CSMD1: variants seen among roughly 807,000 people sequenced by gnomAD.
The protein encoded by CSMD1 is CUB and Sushi multiple domains 1, also known as CUB and sushi domain-containing protein 1.
A neutral mutation model predicts 417.5 loss-of-function variants in CSMD1; 213 were observed. The ratio of observed to expected loss-of-function variants is 0.51; its 90% CI spans 0.46 to 0.57. The LOEUF is 0.57. CSMD1 is among the 20% of genes least tolerant of loss of function. CSMD1 has a pLI of 0.00. For synonymous variants in CSMD1, 2,862 were observed against 1,736.8 expected, an observed-to-expected ratio of 1.65 and a Z score of -16.11; for missense variants, 6,923 against 4,529.7, an observed-to-expected ratio of 1.53 and a Z score of -15.17.
In CSMD1 at chr8:3,847,355, G is replaced by T. The variant is rs1803576991; in HGVS notation, c.819-93313C>A. Among the ~76,000 whole-genome samples the T allele has an allele frequency of 1.3e-5, 2 of 152,098 alleles. 1 individual carries two copies. Among genetic ancestry groups the T allele is most frequent in the Non-Finnish European group, 2.9e-5 (2 of 68,004 alleles). On this transcript the variant is annotated intron_variant, in intron 5 of 69. Coordinates refer to ENST00000635120, the MANE Select transcript of CSMD1 (RefSeq NM_033225.6). ...TTAAAAGTGTTCCAAGTCAGAGAAG[G>T]AAGCAGAAGTGGTCCCCTCCTGCTG...
chr8:3,640,169 G>C (rs1042561648), intron 7 of CSMD1, among the ~76,000 whole-genome samples: 1 of 152,134 alleles, frequency 6.6e-6, no homozygotes, highest in Admixed American at 6.5e-5. Context: ...AAAACTTAAT[G>C]CTTGAAGCTG....
At chr8:4,777,725 T>G (rs866403688) in intron 1 of CSMD1, among the ~76,000 whole-genome samples, 5 of 152,242 alleles carry the variant, frequency 3.3e-5, no homozygotes, top group African/African-American at 1.2e-4. Context: ...ACCAACCTAA[T>G]GCATGTGTGT....
At chr8:4,462,934 G>C (rs868757827) in intron 2 of CSMD1, among the ~76,000 whole-genome samples, 6 of 152,024 alleles carry the variant, frequency 3.9e-5, no homozygotes, top group South Asian at 2.1e-4. Flanking sequence ...GACATCAAAA[G>C]CACAAGAAAA....
intron 3 of CSMD1, among the ~76,000 whole-genome samples, chr8:4,316,952 T>C (rs1368033825): frequency 6.6e-6 from 1 of 152,118 alleles, no homozygotes; most frequent in Non-Finnish European, 1.5e-5. Context: ...ACATGTCAGA[T>C]TCATACGAAA....
At chr8:3,988,782 A>T (rs913183455) in intron 5 of CSMD1, among the ~76,000 whole-genome samples, 2 of 152,236 alleles carry the variant, frequency 1.3e-5, no homozygotes, top group African/African-American at 4.8e-5. Flanking sequence ...AACAATGCTG[A>T]TTATGGTCAA....
chr8:4,450,325 GT>G (rs1003015396), intron 2 of CSMD1, among the ~76,000 whole-genome samples: 2 of 152,140 alleles, frequency 1.3e-5, no homozygotes, highest in Non-Finnish European at 2.9e-5. Context: ...TTTTTTCTTT[GT>G]TTTTTTAAAG....
intron 5 of CSMD1, among the ~76,000 whole-genome samples, chr8:3,849,821 G>GGTTTTA (rs1554460607): frequency 1.3e-5 from 2 of 151,070 alleles, no homozygotes; most frequent in Non-Finnish European, 3.0e-5. Flanking sequence ...TTTTTTGTTT[G>GGTTTTA]GTTTTTGTTT....
chr8:3,399,907 T>C (rs1196213537), intron 15 of CSMD1, among the ~76,000 whole-genome samples: 6 of 152,204 alleles, frequency 3.9e-5, no homozygotes, highest in African/African-American at 1.2e-4. Context: ...AAAATGACCT[T>C]ACATCTCAAG....
At chr8:3,789,780 G>A (rs1015343994) in intron 5 of CSMD1, among the ~76,000 whole-genome samples, 18 of 146,272 alleles carry the variant, frequency 1.2e-4, no homozygotes, top group African/African-American at 4.3e-4. Flanking sequence ...TCCGAGGCTG[G>A]AGTGCAGCGG....
chr8:4,159,854 C>G (rs1326039542), intron 3 of CSMD1, among the ~76,000 whole-genome samples: 2 of 152,026 alleles, frequency 1.3e-5, no homozygotes, highest in East Asian at 3.9e-4. Context: ...AAACTAAAGA[C>G]CGTATGTTCT....
chr8:3,819,111 A>G (rs754190534), intron 5 of CSMD1, among the ~76,000 whole-genome samples: 63 of 152,238 alleles, frequency 4.1e-4, no homozygotes, highest in African/African-American at 1.5e-3. Flanking sequence ...GTGTAGGAGG[A>G]GATGGGGGAA....
At chr8:3,757,579 C>G (rs1015462745) in intron 5 of CSMD1, among the ~76,000 whole-genome samples, 25 of 152,110 alleles carry the variant, frequency 1.6e-4, no homozygotes, top group African/African-American at 5.8e-4. Context: ...TTTGTAAAAA[C>G]AGACCCGGTG....
At chr8:4,576,587 T>C (rs1359189730) in intron 2 of CSMD1, among the ~76,000 whole-genome samples, 1 of 152,222 alleles carries the variant, frequency 6.6e-6, no homozygotes, top group Non-Finnish European at 1.5e-5. Flanking sequence ...CGTTGGGTTA[T>C]TGTCCATCCA....
At position 3,547,383 on chromosome 8, in the gene CSMD1, C is replaced by A. The variant is rs145862626; in HGVS notation, c.1344+27562G>T. ...ATATCAAAACCATTTAGTTTCCACA[C>A]TGAAGAGGTAAAACTGATTCAGTTT... On this transcript the variant is annotated intron_variant, in intron 10 of 69. Transcript: ENST00000635120. Among the ~76,000 whole-genome samples, 896 of 152,296 alleles carry A rather than the reference C, an allele frequency of 5.9e-3. 8 individuals carry two copies. The highest frequency in any genetic ancestry group is 9.6e-3 in the Non-Finnish European group (651 of 68,026).
In CSMD1 at chr8:3,230,116, G is replaced by T; in HGVS notation, c.4269C>A (p.Leu1423=). 1.2e-6 allele frequency: 2 copies of T among 1,613,692 alleles called. No homozygotes were observed. The highest frequency in any genetic ancestry group is 1.7e-6 in the Non-Finnish European group (2 of 1,179,738). Residue 1423 remains leucine (L), a synonymous_variant, in exon 27 of 70, where the codon CTC becomes CTA. Transcript: ENST00000635120. ...CACAGGTGATTTTGGCTTGTCCTTGGAGCTGATAGCCAGGGTCACACTGGA... is the reference window on the plus strand; with the variant it reads ...CACAGGTGATTTTGGCTTGTCCTTGTAGCTGATAGCCAGGGTCACACTGGA... ...VTFQCDPGYQ[L]QGQAKITCVQ... is the part of the protein sequence containing the mutation.
chr8:3,899,777 T>C (rs1224316664), intron 5 of CSMD1, among the ~76,000 whole-genome samples: 1 of 152,174 alleles, frequency 6.6e-6, no homozygotes, highest in Non-Finnish European at 1.5e-5. Flanking sequence ...GGGCACAGTT[T>C]TGACCTGACT....
chr8:3,755,477 G>C (rs1350781195), intron 5 of CSMD1, among the ~76,000 whole-genome samples: 1 of 152,034 alleles, frequency 6.6e-6, no homozygotes, highest in Non-Finnish European at 1.5e-5. Context: ...TAATCTGTAA[G>C]GGTTTAAGCA....
At chr8:4,612,016 A>G (rs893559790) in intron 2 of CSMD1, among the ~76,000 whole-genome samples, 2 of 152,136 alleles carry the variant, frequency 1.3e-5, no homozygotes, top group Admixed American at 6.5e-5. Flanking sequence ...AATTTTAACC[A>G]TCTAATTGGA....
At chr8:4,124,649 G>C (rs1001741589) in intron 3 of CSMD1, among the ~76,000 whole-genome samples, 30 of 152,338 alleles carry the variant, frequency 2.0e-4, no homozygotes, top group African/African-American at 7.0e-4. Flanking sequence ...CAGTGTGAAA[G>C]TGAGGGACTA....
Sources: allele counts gnomAD v4.1 joint callset (sites outside exome capture counted in the v4.1 genomes callset), GRCh38; gene constraint gnomAD v4.1.1; transcripts MANE v1.5; gene names NCBI Gene and HGNC (gene_info 2026-07-23, HGNC 2026-07-21).